Variants in SKAP1 observed in about 807,000 individuals in gnomAD.
SKAP1 encodes src kinase-associated phosphoprotein 1.
SKAP1 carries 44 observed loss-of-function variants against 58.5 expected under a neutral mutation model. The observed-to-expected ratio is 0.75, with a 90% confidence interval of 0.59 to 0.97. SKAP1 has a LOEUF of 0.97. SKAP1 is among the 50% of genes least tolerant of loss of function. The pLI is 0.00. For missense variants in SKAP1, 390 were observed against 435.2 expected (o/e 0.90, Z 0.92); for synonymous variants, 127 against 149.7 (o/e 0.85, Z 1.11).
chr17:48,367,536 G>GTATATATATATATGGATATATATCTATA, intron 2 of SKAP1, among the ~76,000 whole-genome samples: 1 of 135,602 alleles, frequency 7.4e-6, no homozygotes, highest in Non-Finnish European at 1.6e-5. Context: ...GTATGTGTGT[G>GTATATATATATATGGATATATATCTATA]TATATATATA....
At chr17:48,346,574 A>G (rs974957581) in intron 3 of SKAP1, among the ~76,000 whole-genome samples, 1 of 152,120 alleles carries the variant, frequency 6.6e-6, no homozygotes, top group Non-Finnish European at 1.5e-5. Flanking sequence ...CAGTGAGCCA[A>G]GATTGCACCA....
At chr17:48,385,347 C>T (rs556963215) in intron 2 of SKAP1, among the ~76,000 whole-genome samples, 2 of 151,676 alleles carry the variant, frequency 1.3e-5, no homozygotes, top group South Asian at 4.2e-4. Flanking sequence ...GATGCAAAGA[C>T]AGTAGCTAAA....
intron 4 of SKAP1, chr17:48,307,793 T>C (rs2066167454): frequency 6.6e-6 from 1 of 152,238 alleles, no homozygotes. Context: ...CTCAATCTAC[T>C]CTATGTCATA....
intron 4 of SKAP1, among the ~76,000 whole-genome samples, chr17:48,330,278 T>C (rs2066488912): frequency 6.6e-6 from 1 of 152,158 alleles, no homozygotes; most frequent in South Asian, 2.1e-4. Context: ...GGGGAAAAAA[T>C]TGAGTATTCA....
At chr17:48,443,833 TATC>T in the SKAP1 span, among the ~76,000 whole-genome samples, 5 of 152,162 alleles carry the variant, frequency 3.3e-5, no homozygotes, top group African/African-American at 7.2e-5. Flanking sequence ...ACAGAAAAGT[TATC>T]ATAGTATCTA....
intron 4 of SKAP1, 54 bp downstream of exon 4, chr17:48,345,851 C>T (rs2144329005): frequency 8.0e-7 from 1 of 1,249,802 alleles, no homozygotes; most frequent in South Asian, 1.2e-5. Context: ...AGATGTCAGG[C>T]CAGAAGATAA....
intron 4 of SKAP1, among the ~76,000 whole-genome samples, chr17:48,215,649 C>A (rs1288770037): frequency 6.6e-6 from 1 of 151,802 alleles, no homozygotes; most frequent in African/African-American, 2.4e-5. Context: ...TGCTAAGGTT[C>A]TTAACAGAAA....
intron 10 of SKAP1, 141 bp downstream of exon 10, chr17:48,170,468 T>C (rs1450998508): frequency 2.8e-5 from 20 of 717,068 alleles, no homozygotes; most frequent in Non-Finnish European, 4.9e-6. Flanking sequence ...AGTCACTTTA[T>C]TTAGGGCTTT....
intron 4 of SKAP1, among the ~76,000 whole-genome samples, chr17:48,271,819 A>AG (rs2143987515): frequency 6.6e-6 from 1 of 152,254 alleles, no homozygotes; most frequent in South Asian, 2.1e-4. Flanking sequence ...AAATCTCCTT[A>AG]GGGGATTCTG....
rs760300491 is a variant in SKAP1 at position 48,265,490 on chromosome 17, CA to C, written c.281-75991del. 5.6e-3 allele frequency among the ~76,000 whole-genome samples: 696 copies of C among 123,682 alleles called. 8 individuals carry two copies. Among genetic ancestry groups the C allele is most frequent in the African/African-American group, 0.018 (609 of 33,964 alleles). The allele number at this position is 123,682 out of a possible 152,430, so 81.1% of individuals were successfully genotyped here. A position where few individuals can be genotyped will look rare whatever the true frequency, so the allele number is the denominator to read the frequency against. On this transcript the variant is annotated intron_variant, in intron 4 of 12. Transcript: ENST00000336915. ...ACTGCACTCCAGCCTGGGCCTGTCT[CA>C]AAAAAAAAAAAAGCAAGCAAGCAAG... is the stretch of plus-strand genomic sequence containing the variant.
intron 4 of SKAP1, among the ~76,000 whole-genome samples, chr17:48,330,900 C>G (rs895591007): frequency 1.2e-4 from 19 of 152,220 alleles, no homozygotes; most frequent in African/African-American, 4.6e-4. Context: ...TATCCCATGG[C>G]AAGGATTCTG....
chr17:48,396,820 A>G, intron 1 of SKAP1, 35 bp from the exon 2 acceptor site: 1 of 1,492,648 alleles, frequency 6.7e-7, no homozygotes, highest in East Asian at 2.3e-5. Flanking sequence ...AACAGAAAAG[A>G]TGTACTAAGG....
chr17:48,315,139 G>A (rs2066271426), intron 4 of SKAP1, among the ~76,000 whole-genome samples: 1 of 152,158 alleles, frequency 6.6e-6, no homozygotes, highest in South Asian at 2.1e-4. Flanking sequence ...GCCCTCACTA[G>A]CAAGTCAGAA....
chr17:48,278,497 T>G (rs908891597), intron 4 of SKAP1, among the ~76,000 whole-genome samples: 6 of 152,214 alleles, frequency 3.9e-5, no homozygotes, highest in African/African-American at 1.4e-4. Context: ...GATGGAATCA[T>G]GTGAAGTCTT....
chr17:48,331,078 C>T (rs1202285261), intron 4 of SKAP1, among the ~76,000 whole-genome samples: 1 of 152,096 alleles, frequency 6.6e-6, no homozygotes, highest in African/African-American at 2.4e-5. Flanking sequence ...GAACAAAGAG[C>T]AGTGGGTGAA....
At chr17:48,320,349 T>C (rs2066345530) in intron 4 of SKAP1, among the ~76,000 whole-genome samples, 1 of 152,202 alleles carries the variant, frequency 6.6e-6, no homozygotes, top group Non-Finnish European at 1.5e-5. Flanking sequence ...CTGATACTTC[T>C]AGACAAGGAT....
intron 1 of SKAP1, among the ~76,000 whole-genome samples, chr17:48,409,327 A>T (rs555515937): frequency 5.1e-4 from 78 of 152,374 alleles, no homozygotes; most frequent in Non-Finnish European, 1.0e-3. Context: ...GAATAGATAA[A>T]CAAACTGTGA....
At chr17:48,353,608 T>C (rs983331135) in intron 3 of SKAP1, among the ~76,000 whole-genome samples, 2 of 151,990 alleles carry the variant, frequency 1.3e-5, no homozygotes, top group Admixed American at 1.3e-4. Flanking sequence ...TAAAGAAGAA[T>C]GAGATGGCCG....
At chr17:48,180,371 A>G in intron 8 of SKAP1, 123 bp from the exon 9 acceptor site, 1 of 729,684 alleles carries the variant, frequency 1.4e-6, no homozygotes, top group South Asian at 2.1e-5. Context: ...ATGAAACATT[A>G]GGTTAAATGC....
Sources: gnomAD v4.1 joint callset for allele counts (sites outside exome capture counted in the v4.1 genomes callset) on GRCh38, gnomAD v4.1.1 for gene constraint, MANE v1.5 for transcripts, NCBI Gene and HGNC (gene_info 2026-07-23, HGNC 2026-07-21) for gene names.